Variants in NDUFA10 observed in about 807,000 individuals in gnomAD.
The protein encoded by NDUFA10 is NADH dehydrogenase [ubiquinone] 1 alpha subcomplex subunit 10, mitochondrial.
NDUFA10 carries 40 observed loss-of-function variants against 47.8 expected under a neutral mutation model. That is an observed-to-expected ratio of 0.84 (90% CI 0.65 to 1.09). The LOEUF (loss-of-function observed/expected upper bound fraction) is 1.09. Among genes scored for constraint, NDUFA10 ranks in the 50% least tolerant of loss-of-function variants. The pLI is 0.00. For missense variants in NDUFA10, 413 were observed against 451.1 expected, an observed-to-expected ratio of 0.92 and a Z score of 0.76; for synonymous variants, 183 against 172.2, an observed-to-expected ratio of 1.06 and a Z score of -0.49.
At chr2:239,914,164 CACACACACAGA>C (rs943345784) in intron 4 of NDUFA10, among the ~76,000 whole-genome samples, 1 of 151,918 alleles carries the variant, frequency 6.6e-6, no homozygotes, top group Admixed American at 6.6e-5. Context: ...CAGAGATACA[CACACACACAGA>C]ACACACACAT....
intron 4 of NDUFA10, 82 bp from the exon 5 acceptor site, chr2:240,014,942 G>C: frequency 6.3e-7 from 1 of 1,588,460 alleles, no homozygotes; most frequent in East Asian, 2.3e-5. Context: ...GAATAAAAGG[G>C]CAAACATACA....
intron 4 of NDUFA10, among the ~76,000 whole-genome samples, chr2:239,937,984 T>C (rs951622978): frequency 6.6e-5 from 10 of 152,244 alleles, no homozygotes; most frequent in African/African-American, 2.4e-4. Context: ...GTTTAAATCC[T>C]TGGAGAGCAG....
chr2:239,916,455 GAC>G (rs772520893), intron 4 of NDUFA10, among the ~76,000 whole-genome samples: 19 of 152,178 alleles, frequency 1.2e-4, no homozygotes, highest in Non-Finnish European at 2.4e-4. Context: ...CACACACAGA[GAC>G]ACAGAGATGC....
chr2:239,990,197 A>G lies in NDUFA10; in HGVS notation c.891-15T>C, dbSNP rs760855270. ...TATCCTGAACCCTAAAAAATAAGAC[A>G]CATGTGGATCACACCAAACCATCAA... On this transcript the variant is annotated splice_polypyrimidine_tract_variant and intron_variant, in intron 8 of 9. Coordinates refer to ENST00000252711, the MANE Select transcript of NDUFA10 (RefSeq NM_004544.4). 2 of 1,576,604 alleles carry G rather than the reference A, an allele frequency of 1.3e-6. No individual in the cohort carries two copies. Among genetic ancestry groups the G allele is most frequent in the East Asian group, 2.2e-5 (1 of 44,700 alleles).
At chr2:240,005,316 A>G in intron 7 of NDUFA10, 21 bp from the exon 8 acceptor site, 2 of 1,586,132 alleles carry the variant, frequency 1.3e-6, no homozygotes, top group South Asian at 1.1e-5. Context: ...AAAAATTCCA[A>G]TTTAAACAGA....
intron 9 of NDUFA10, chr2:239,969,525 G>C: frequency 2.6e-6 from 1 of 386,828 alleles, no homozygotes; most frequent in Non-Finnish European, 5.2e-6. Context: ...AAGAGCTTCT[G>C]GTGCCAGCTG....
At chr2:239,973,010 G>A (rs1452420973) in intron 9 of NDUFA10, among the ~76,000 whole-genome samples, 2 of 152,118 alleles carry the variant, frequency 1.3e-5, no homozygotes, top group South Asian at 2.1e-4. Context: ...ACAAACCAAT[G>A]GACCTGGTAA....
chr2:239,977,609 T>A (rs561669557), intron 9 of NDUFA10, among the ~76,000 whole-genome samples: 8 of 152,352 alleles, frequency 5.3e-5, no homozygotes, highest in East Asian at 1.9e-4. Flanking sequence ...GAGAGACTCA[T>A]TAGCCATCAC....
intron 4 of NDUFA10, among the ~76,000 whole-genome samples, chr2:239,941,190 C>T (rs1357033381): frequency 1.3e-5 from 2 of 152,302 alleles, no homozygotes; most frequent in East Asian, 1.9e-4. Flanking sequence ...TAACCATTTA[C>T]GTTCCTTAAA....
Position 240,014,869 on chromosome 2 carries a change from T to C in NDUFA10, c.548-9A>G, listed in dbSNP as rs147876332. On this transcript the variant is annotated splice_polypyrimidine_tract_variant and intron_variant, in intron 4 of 9. Transcript: ENST00000252711. ...GTTGTAGTGGTCCACACCTGGCACA[T>C]AGGAGAAAGGGGCGCTGTCACCTAC... The C allele has an allele frequency of 2.3e-3, 3,754 of 1,614,102 alleles. 10 individuals are homozygous for C. Among genetic ancestry groups the C allele is most frequent in the Non-Finnish European group, 2.8e-3 (3,280 of 1,179,994 alleles).
At chr2:239,913,354 T>C (rs1693787454) in intron 4 of NDUFA10, among the ~76,000 whole-genome samples, 1 of 152,234 alleles carries the variant, frequency 6.6e-6, no homozygotes, top group African/African-American at 2.4e-5. Context: ...TGCGGGCTCG[T>C]TGCTCGGCCC....
intron 9 of NDUFA10, among the ~76,000 whole-genome samples, chr2:239,976,250 C>A (rs1695512833): frequency 6.6e-6 from 1 of 152,164 alleles, no homozygotes; most frequent in Non-Finnish European, 1.5e-5. Context: ...CTGTAACCCC[C>A]ACGTGGCTTA....
downstream of NDUFA10, among the ~76,000 whole-genome samples, chr2:239,956,130 C>T (rs1232133931): frequency 1.3e-5 from 2 of 152,202 alleles, no homozygotes; most frequent in African/African-American, 4.8e-5. Flanking sequence ...CAAGAGCTAG[C>T]ACATCTGGAC....
At chr2:239,909,028 G>A (rs1693702753) in intron 4 of NDUFA10, among the ~76,000 whole-genome samples, 1 of 152,168 alleles carries the variant, frequency 6.6e-6, no homozygotes, top group African/African-American at 2.4e-5. Flanking sequence ...CTGACTTAAT[G>A]ACATGCCCTC....
At chr2:240,005,144 C>A in intron 8 of NDUFA10, 66 bp downstream of exon 8, 1 of 1,359,490 alleles carries the variant, frequency 7.4e-7, no homozygotes, top group Non-Finnish European at 1.1e-6. Flanking sequence ...TTTCAAACTT[C>A]CCTAAGTTTC....
chr2:240,005,140 A>G, intron 8 of NDUFA10, 70 bp downstream of exon 8: 1 of 1,352,208 alleles, frequency 7.4e-7, no homozygotes, highest in Non-Finnish European at 1.1e-6. Flanking sequence ...ATTATTTCAA[A>G]CTTCCCTAAG....
intron 4 of NDUFA10, among the ~76,000 whole-genome samples, chr2:239,912,336 G>A (rs112095399): frequency 6.6e-6 from 1 of 152,176 alleles, no homozygotes; most frequent in African/African-American, 2.4e-5. Context: ...GATTCGTGGG[G>A]CCGAGCTGCA....
At chr2:239,919,492 A>G (rs147873634) in intron 4 of NDUFA10, among the ~76,000 whole-genome samples, 1 of 151,628 alleles carries the variant, frequency 6.6e-6, no homozygotes, top group Non-Finnish European at 1.5e-5. Context: ...GATGATTCCT[A>G]ACACGCAGTG....
At chr2:239,942,060 A>G (rs932512141) in intron 4 of NDUFA10, among the ~76,000 whole-genome samples, 1 of 152,252 alleles carries the variant, frequency 6.6e-6, no homozygotes, top group Non-Finnish European at 1.5e-5. Context: ...ATGTGTGCAC[A>G]AACTATTTCA....
Sources: gnomAD v4.1 joint callset for allele counts (sites outside exome capture counted in the v4.1 genomes callset) on GRCh38, gnomAD v4.1.1 for gene constraint, MANE v1.5 for transcripts, NCBI Gene and HGNC (gene_info 2026-07-23, HGNC 2026-07-21) for gene names.